OXR1: variants seen among roughly 807,000 people sequenced by gnomAD.
OXR1 encodes oxidation resistance protein 1.
Under a neutral mutation model 104.6 loss-of-function variants are expected in OXR1, and 41 were observed. That is an observed-to-expected ratio of 0.39 (90% CI 0.31 to 0.51). The LOEUF is 0.51. OXR1 is among the 20% of genes least tolerant of loss of function. The pLI, the probability that OXR1 is intolerant of heterozygous loss-of-function variation, is 0.77. For synonymous variants in OXR1, 348 were observed against 348.4 expected, an observed-to-expected ratio of 1.00 and a Z score of 0.01; for missense variants, 955 against 1,031.9, an observed-to-expected ratio of 0.93 and a Z score of 1.02.
intron 3 of OXR1, among the ~76,000 whole-genome samples, chr8:106,559,150 C>T (rs963974580): frequency 3.6e-4 from 55 of 152,202 alleles, no homozygotes; most frequent in Admixed American, 1.7e-3. Flanking sequence ...GTTCTATCCT[C>T]CACAAAACAC....
At chr8:106,333,743 G>T (rs1274794569) in intron 1 of OXR1, among the ~76,000 whole-genome samples, 1 of 151,930 alleles carries the variant, frequency 6.6e-6, no homozygotes, top group African/African-American at 2.4e-5. Context: ...GTTCTTTTTG[G>T]CACTCTTGTT....
At chr8:106,290,557 G>T (rs1812703256) in intron 1 of OXR1, among the ~76,000 whole-genome samples, 1 of 151,858 alleles carries the variant, frequency 6.6e-6, no homozygotes, top group African/African-American at 2.4e-5. Context: ...ATCCAACAAA[G>T]GTCTAATGTC....
chr8:106,731,677 T>G (rs1833906868), intron 11 of OXR1, among the ~76,000 whole-genome samples: 1 of 152,184 alleles, frequency 6.6e-6, no homozygotes, highest in African/African-American at 2.4e-5. Context: ...CTTTACTCCT[T>G]TGTTAAAAGT....
chr8:106,712,231 T>A (rs1276918664), intron 10 of OXR1, among the ~76,000 whole-genome samples: 1 of 152,132 alleles, frequency 6.6e-6, no homozygotes, highest in Non-Finnish European at 1.5e-5. Flanking sequence ...TTTTTAGTGA[T>A]CATCAGTGGA....
intron 3 of OXR1, among the ~76,000 whole-genome samples, chr8:106,563,648 A>T (rs547144116): frequency 2.9e-4 from 44 of 152,274 alleles, no homozygotes; most frequent in African/African-American, 1.0e-3. Context: ...CCTAATAAAC[A>T]TCTACAGAGC....
At chr8:106,708,044 C>T (rs551997338) in intron 9 of OXR1, among the ~76,000 whole-genome samples, 1 of 152,230 alleles carries the variant, frequency 6.6e-6, no homozygotes, top group African/African-American at 2.4e-5. Flanking sequence ...ATCATCACTA[C>T]TGTCCATTTC....
chr8:106,694,770 G>T (rs35495820), intron 7 of OXR1, among the ~76,000 whole-genome samples: 58,021 of 98,738 alleles, frequency 0.59, 18,345 homozygotes, highest in African/African-American at 0.73. Flanking sequence ...ATATTTAATA[G>T]ATAAATACAT....
At chr8:106,379,898 A>G (rs1313862432) in intron 2 of OXR1, among the ~76,000 whole-genome samples, 1 of 152,044 alleles carries the variant, frequency 6.6e-6, no homozygotes, top group Non-Finnish European at 1.5e-5. Flanking sequence ...ATCCCTGCCT[A>G]TTTTGGTTCT....
At chr8:106,303,053 G>A (rs750535553) in intron 1 of OXR1, among the ~76,000 whole-genome samples, 8 of 151,298 alleles carry the variant, frequency 5.3e-5, no homozygotes, top group Non-Finnish European at 1.0e-4. Context: ...GCACCTGGCC[G>A]CAAACCTGTT....
At chr8:106,672,682 G>A (rs111320935) in intron 3 of OXR1, among the ~76,000 whole-genome samples, 14 of 152,250 alleles carry the variant, frequency 9.2e-5, no homozygotes, top group African/African-American at 2.9e-4. Context: ...TTATAATCCC[G>A]ATAATCCCCA....
intron 3 of OXR1, among the ~76,000 whole-genome samples, chr8:106,542,680 C>T (rs1586784279): frequency 6.6e-6 from 1 of 151,692 alleles, no homozygotes; most frequent in East Asian, 1.9e-4. Flanking sequence ...AAAATAGATT[C>T]AGTTTAAATG....
At chr8:106,545,710 A>C (rs559264419) in intron 3 of OXR1, among the ~76,000 whole-genome samples, 1 of 152,296 alleles carries the variant, frequency 6.6e-6, no homozygotes, top group African/African-American at 2.4e-5. Context: ...ACAGATCAAA[A>C]GGTAAAGGAA....
At chr8:106,351,484 T>A (rs1371394782) in intron 1 of OXR1, among the ~76,000 whole-genome samples, 1 of 152,092 alleles carries the variant, frequency 6.6e-6, no homozygotes, top group Non-Finnish European at 1.5e-5. Flanking sequence ...AAGGGATGAG[T>A]GTAGCAGACA....
intron 1 of OXR1, among the ~76,000 whole-genome samples, chr8:106,341,281 G>A (rs1815235685): frequency 6.6e-6 from 1 of 151,598 alleles, no homozygotes; most frequent in African/African-American, 2.4e-5. Flanking sequence ...ACAAATTCAG[G>A]TTAATGAGAC....
At chr8:106,314,431 T>G (rs1813840967) in intron 1 of OXR1, among the ~76,000 whole-genome samples, 1 of 152,216 alleles carries the variant, frequency 6.6e-6, no homozygotes, top group African/African-American at 2.4e-5. Context: ...TGCTTGAGTC[T>G]AAAATTAGGC....
intron 6 of OXR1, among the ~76,000 whole-genome samples, chr8:106,691,698 G>A (rs945266273): frequency 6.7e-6 from 1 of 149,848 alleles, no homozygotes; most frequent in Non-Finnish European, 1.5e-5. Context: ...AGTTTTGGGG[G>A]AATTGAGGAA....
At chr8:106,734,406 G>A (rs1834193001) in intron 11 of OXR1, among the ~76,000 whole-genome samples, 1 of 152,158 alleles carries the variant, frequency 6.6e-6, no homozygotes, top group Non-Finnish European at 1.5e-5. Flanking sequence ...CAAAGTAAGT[G>A]TAAGTGGCAT....
intron 1 of OXR1, among the ~76,000 whole-genome samples, chr8:106,288,052 C>A (rs1812571573): frequency 6.6e-6 from 1 of 152,180 alleles, no homozygotes; most frequent in Admixed American, 6.5e-5. Context: ...GAAGCATATC[C>A]TCTTGCCATG....
intron 3 of OXR1, among the ~76,000 whole-genome samples, chr8:106,561,829 C>G (rs1001012767): frequency 1.3e-5 from 2 of 152,176 alleles, no homozygotes; most frequent in Non-Finnish European, 2.9e-5. Context: ...GATACCCAGG[C>G]AAACAGGGTC....
Sources: gnomAD v4.1 joint callset for allele counts (sites outside exome capture counted in the v4.1 genomes callset) on GRCh38, gnomAD v4.1.1 for gene constraint, MANE v1.5 for transcripts, NCBI Gene and HGNC (gene_info 2026-07-23, HGNC 2026-07-21) for gene names.